Variants in CD47 observed in about 807,000 individuals in gnomAD.
The protein encoded by CD47 is leukocyte surface antigen CD47.
CD47 carries 11 observed loss-of-function variants against 44.6 expected under a neutral mutation model. That is an observed-to-expected ratio of 0.25 (90% confidence interval 0.16 to 0.41). The LOEUF (loss-of-function observed/expected upper bound fraction) is 0.41. Among genes scored for constraint, CD47 ranks in the 10% least tolerant of loss-of-function variants. CD47 has a pLI of 1.00. For missense variants in CD47, 306 were observed against 386.7 expected (o/e 0.79, Z 1.75); for synonymous variants, 140 against 136.3 (o/e 1.03, Z -0.19).
chr3:108,074,539 C>T (rs1215261127), intron 2 of CD47, among the ~76,000 whole-genome samples: 1 of 152,040 alleles, frequency 6.6e-6, no homozygotes, highest in Non-Finnish European at 1.5e-5. Context: ...GTCTCAAATT[C>T]CTGACCTCAG....
At chr3:108,070,527 T>A (rs2079181049) in intron 3 of CD47, among the ~76,000 whole-genome samples, 1 of 152,234 alleles carries the variant, frequency 6.6e-6, no homozygotes, top group African/African-American at 2.4e-5. Flanking sequence ...GAAGTCTGGT[T>A]ACGTTACTAT....
At chr3:108,049,898 T>A (rs2078795701) in intron 9 of CD47, among the ~76,000 whole-genome samples, 1 of 152,172 alleles carries the variant, frequency 6.6e-6, no homozygotes, top group Non-Finnish European at 1.5e-5. Context: ...TTTTGGTCTA[T>A]CTCTGTGGCA....
intron 2 of CD47, among the ~76,000 whole-genome samples, chr3:108,078,371 C>T (rs934914307): frequency 1.3e-5 from 2 of 151,950 alleles, no homozygotes; most frequent in African/African-American, 4.8e-5. Flanking sequence ...TCCTGGCATT[C>T]CTTTCTCTTC....
At chr3:108,061,943 C>T (rs1365028240) in intron 3 of CD47, among the ~76,000 whole-genome samples, 1 of 151,950 alleles carries the variant, frequency 6.6e-6, no homozygotes, top group Non-Finnish European at 1.5e-5. Context: ...TAAATAAGCC[C>T]CTAAATGATT....
intron 3 of CD47, among the ~76,000 whole-genome samples, chr3:108,062,299 C>A (rs1051845721): frequency 3.9e-5 from 6 of 152,106 alleles, no homozygotes; most frequent in African/African-American, 1.4e-4. Context: ...TCCCTATTTT[C>A]TAGGCTCAAA....
chr3:108,073,199 C>T (rs1366266548), intron 2 of CD47, among the ~76,000 whole-genome samples: 1 of 151,804 alleles, frequency 6.6e-6, no homozygotes, highest in African/African-American at 2.4e-5. Context: ...GATGAGCTGA[C>T]AATGAAATGT....
At chr3:108,071,365 T>C (rs1577005827) in intron 2 of CD47, among the ~76,000 whole-genome samples, 183 bp from the exon 3 acceptor site, 2 of 152,364 alleles carry the variant, frequency 1.3e-5, no homozygotes, top group South Asian at 4.1e-4. Context: ...ATAATGTACT[T>C]ATGTAAATTT....
chr3:108,088,560 G>C (rs2079565094), intron 1 of CD47, among the ~76,000 whole-genome samples: 1 of 151,426 alleles, frequency 6.6e-6, no homozygotes, highest in Non-Finnish European at 1.5e-5. Context: ...ATTTAAACAA[G>C]CCAAATTACT....
intron 8 of CD47, among the ~76,000 whole-genome samples, chr3:108,051,283 T>C (rs1390758126): frequency 2.6e-5 from 4 of 152,218 alleles, no homozygotes; most frequent in African/African-American, 9.6e-5. Flanking sequence ...GTCCACAACA[T>C]ACCTCTTGGG....
chr3:108,048,180 G>GT (rs776780950), intron 10 of CD47, among the ~76,000 whole-genome samples: 1 of 151,752 alleles, frequency 6.6e-6, no homozygotes, highest in Non-Finnish European at 1.5e-5. Flanking sequence ...CCTGGTACTA[G>GT]TCATTTTATG....
intron 7 of CD47, among the ~76,000 whole-genome samples, chr3:108,055,899 G>T (rs1004538105): frequency 6.6e-6 from 1 of 152,160 alleles, no homozygotes; most frequent in African/African-American, 2.4e-5. Flanking sequence ...CACCAGACCT[G>T]CTGGCAACTG....
intron 2 of CD47, among the ~76,000 whole-genome samples, chr3:108,079,477 T>C (rs1229973690): frequency 6.9e-6 from 1 of 145,542 alleles, no homozygotes; most frequent in African/African-American, 2.6e-5. Flanking sequence ...AAATCATCCA[T>C]GATAACGTGA....
chr3:108,067,162 G>T (rs1041623882), intron 3 of CD47, among the ~76,000 whole-genome samples: 1 of 152,064 alleles, frequency 6.6e-6, no homozygotes, highest in Non-Finnish European at 1.5e-5. Context: ...CTAAATACTA[G>T]CTTTACTATT....
At chr3:108,086,130 G>A (rs1268426179) in intron 1 of CD47, among the ~76,000 whole-genome samples, 1 of 152,048 alleles carries the variant, frequency 6.6e-6, no homozygotes, top group Non-Finnish European at 1.5e-5. Flanking sequence ...AATTATTTAG[G>A]TGAGCTCTAG....
chr3:108,057,325 A>G (rs2078928342), intron 7 of CD47, 152 bp downstream of exon 7: 2 of 475,038 alleles, frequency 4.2e-6, no homozygotes, highest in Admixed American at 3.8e-5. Flanking sequence ...TAAAAATCCT[A>G]TATGTCTTCT....
intron 8 of CD47, 26 bp from the exon 9 acceptor site, chr3:108,050,628 C>T (rs1350740558): frequency 3.7e-6 from 3 of 818,802 alleles, no homozygotes; most frequent in African/African-American, 3.6e-5. Flanking sequence ...AATATATTTA[C>T]ATAAAAATAT....
intron 1 of CD47, among the ~76,000 whole-genome samples, chr3:108,089,387 AG>A (rs1304056005): frequency 6.6e-6 from 1 of 152,232 alleles, no homozygotes; most frequent in Non-Finnish European, 1.5e-5. Context: ...CCATTCCAAC[AG>A]TTCTAAACTA....
At chr3:108,061,021 G>A (rs897700654) in intron 3 of CD47, among the ~76,000 whole-genome samples, 169 bp from the exon 4 acceptor site, 1 of 151,642 alleles carries the variant, frequency 6.6e-6, no homozygotes, top group African/African-American at 2.4e-5. Context: ...TAAGCAAATG[G>A]ATAACGTCAC....
intron 1 of CD47, among the ~76,000 whole-genome samples, chr3:108,080,870 A>G (rs2079404284): frequency 6.6e-6 from 1 of 151,908 alleles, no homozygotes; most frequent in Non-Finnish European, 1.5e-5. Flanking sequence ...ACTTTAATAT[A>G]CAAAGTAAAT....
Sources: gnomAD v4.1 joint callset for allele counts (sites outside exome capture counted in the v4.1 genomes callset) on GRCh38, gnomAD v4.1.1 for gene constraint, MANE v1.5 for transcripts, NCBI Gene and HGNC (gene_info 2026-07-23, HGNC 2026-07-21) for gene names.